VPS8: variants seen among roughly 807,000 people sequenced by gnomAD.
VPS8 encodes vacuolar protein sorting-associated protein 8 homolog.
In VPS8, 129 loss-of-function variants were observed where a neutral mutation model predicts 216.4. The observed-to-expected ratio is 0.60, with a 90% confidence interval of 0.52 to 0.69. The LOEUF is 0.69. VPS8 is among the 30% of genes least tolerant of loss of function. VPS8 has a pLI of 0.00. For missense variants in VPS8, 1,531 were observed against 1,683.5 expected (o/e 0.91, Z 1.59); for synonymous variants, 571 against 565.4 (o/e 1.01, Z -0.14).
At chr3:184,819,084 A>G (rs529776714) in intron 1 of VPS8, among the ~76,000 whole-genome samples, 2 of 152,302 alleles carry the variant, frequency 1.3e-5, no homozygotes, top group East Asian at 3.9e-4. Context: ...CCAGTGTCAT[A>G]ATTAAGTCAT....
At chr3:184,943,002 T>G (rs147589499) in intron 36 of VPS8, among the ~76,000 whole-genome samples, 1,749 of 152,270 alleles carry the variant, frequency 0.011, 39 homozygotes, top group African/African-American at 0.039. Flanking sequence ...TTTGATTTGT[T>G]TAAGGTCTGT....
intron 28 of VPS8, among the ~76,000 whole-genome samples, chr3:184,918,736 A>G (rs1035616760): frequency 6.6e-6 from 1 of 152,188 alleles, no homozygotes; most frequent in Non-Finnish European, 1.5e-5. Context: ...GTTGAATAGC[A>G]TTTATATTAG....
intron 45 of VPS8, among the ~76,000 whole-genome samples, chr3:185,009,981 G>C (rs1467670418): frequency 4.4e-5 from 3 of 67,416 alleles, no homozygotes; most frequent in Non-Finnish European, 9.5e-5. Context: ...AACTACTTCA[G>C]GTCCAAAAAA....
chr3:184,870,618 A>G, intron 20 of VPS8, 98 bp from the exon 21 acceptor site: 1 of 951,424 alleles, frequency 1.1e-6, no homozygotes, highest in Non-Finnish European at 1.5e-6. Flanking sequence ...AAATTTTAAT[A>G]ACAAATTCTA....
intron 30 of VPS8, among the ~76,000 whole-genome samples, chr3:184,926,146 C>T (rs1317950366): frequency 1.3e-5 from 2 of 150,736 alleles, no homozygotes; most frequent in African/African-American, 2.4e-5. Flanking sequence ...GAGGCCGAGG[C>T]GGGCGGATCA....
At chr3:184,912,660 C>G (rs546939855) in intron 25 of VPS8, among the ~76,000 whole-genome samples, 1 of 152,146 alleles carries the variant, frequency 6.6e-6, no homozygotes, top group African/African-American at 2.4e-5. Flanking sequence ...TGATGTGAAT[C>G]AAATGACATT....
At chr3:185,051,054 C>A (rs574472021) in intron 47 of VPS8, among the ~76,000 whole-genome samples, 1 of 152,144 alleles carries the variant, frequency 6.6e-6, no homozygotes, top group Non-Finnish European at 1.5e-5. Context: ...GTGTAGAATT[C>A]GTCTCTCCTC....
At position 184,963,658 on chromosome 3, in the gene VPS8, G is replaced by A. The variant is rs187309823; in HGVS notation, c.3184-810G>A. 2.3e-3 allele frequency among the ~76,000 whole-genome samples: 346 copies of A among 152,034 alleles called. 1 individual carries two copies. The highest frequency in any genetic ancestry group is 8.0e-3 in the African/African-American group (333 of 41,514). On this transcript the variant is annotated intron_variant, in intron 37 of 47. Transcript: ENST00000625842. ...GATGTCTAGGATCTCTAAGGTATTGGCGAATAGAAGCAGTGACAGTATGAC... is the reference window on the plus strand; with the variant it reads ...GATGTCTAGGATCTCTAAGGTATTGACGAATAGAAGCAGTGACAGTATGAC...
chr3:185,020,369 G>T (rs562807223), intron 45 of VPS8, among the ~76,000 whole-genome samples: 4 of 151,794 alleles, frequency 2.6e-5, no homozygotes, highest in Non-Finnish European at 5.9e-5. Context: ...TTGTTGCTGT[G>T]TGATTGGATT....
chr3:184,940,655 C>A (rs1251619497), intron 36 of VPS8, among the ~76,000 whole-genome samples: 1 of 152,096 alleles, frequency 6.6e-6, no homozygotes, highest in Non-Finnish European at 1.5e-5. Context: ...AAATGTATTA[C>A]CTTTTAAACT....
rs149565833 is a variant in VPS8, at chr3:184,886,166, C to T, written c.1781+10C>T. The T allele has an allele frequency of 7.3e-3, 11,663 of 1,602,888 alleles. 179 individuals are homozygous for T. Among genetic ancestry groups the T allele is most frequent in the Admixed American group, 0.062 (3,628 of 58,512 alleles). ...TTCTGCTGCAGCGAAAGTGAGTATG[C>T]GTTGCCTGTCACATTCAATTATTTT... is the stretch of plus-strand genomic sequence containing the variant. On this transcript the variant is annotated intron_variant, in intron 22 of 47. Transcript: ENST00000625842.
chr3:184,957,753 C>T (rs1477406770), intron 37 of VPS8, among the ~76,000 whole-genome samples: 1 of 152,170 alleles, frequency 6.6e-6, no homozygotes, highest in African/African-American at 2.4e-5. Context: ...AAGTATCTTT[C>T]TCAAGGCAGT....
At chr3:184,830,399 T>C (rs1479020397) in intron 3 of VPS8, among the ~76,000 whole-genome samples, 1 of 152,088 alleles carries the variant, frequency 6.6e-6, no homozygotes, top group Non-Finnish European at 1.5e-5. Context: ...GATTGCCTTA[T>C]TTATTTATTT....
intron 28 of VPS8, among the ~76,000 whole-genome samples, chr3:184,918,876 C>T (rs903281168): frequency 3.9e-5 from 6 of 152,046 alleles, no homozygotes; most frequent in Admixed American, 1.3e-4. Context: ...CTTTGTAGTC[C>T]GTCTTCCTAT....
chr3:185,007,273 C>T lies in VPS8; in HGVS notation c.4002+7412C>T, dbSNP rs538512496. Among the ~76,000 whole-genome samples, 9 of 152,202 alleles carry T rather than the reference C, an allele frequency of 5.9e-5. No homozygotes were observed. In the South Asian group the frequency reaches 1.7e-3, roughly 28 times the overall value. On this transcript the variant is annotated intron_variant, in intron 45 of 47. Transcript: ENST00000625842. ...TCTTTCTGATTTCTCTACATATTAC[C>T]CACAGGAGAAACTAATTTCAGCTGA...
intron 45 of VPS8, among the ~76,000 whole-genome samples, chr3:185,005,634 T>C (rs1754141274): frequency 6.6e-6 from 1 of 150,808 alleles, no homozygotes; most frequent in African/African-American, 2.4e-5. Context: ...ATTTTATTTA[T>C]TTATTTATTT....
At chr3:184,916,534 T>C (rs1167846599) in intron 28 of VPS8, among the ~76,000 whole-genome samples, 5 of 151,988 alleles carry the variant, frequency 3.3e-5, no homozygotes, top group Admixed American at 2.6e-4. Context: ...TAATAAACTA[T>C]TAAATTATTT....
chr3:185,005,545 T>C (rs1754120508), intron 45 of VPS8, among the ~76,000 whole-genome samples: 1 of 152,224 alleles, frequency 6.6e-6, no homozygotes, highest in Non-Finnish European at 1.5e-5. Context: ...ATCTGTGATT[T>C]CTTTCAGCAG....
chr3:184,864,659 C>T (rs549794052), intron 16 of VPS8, among the ~76,000 whole-genome samples: 3 of 152,250 alleles, frequency 2.0e-5, no homozygotes, highest in South Asian at 2.1e-4. Flanking sequence ...GAATAAATGG[C>T]GCACTGGTCC....
Sources: gnomAD v4.1 joint callset for allele counts (sites outside exome capture counted in the v4.1 genomes callset) on GRCh38, gnomAD v4.1.1 for gene constraint, MANE v1.5 for transcripts, NCBI Gene and HGNC (gene_info 2026-07-23, HGNC 2026-07-21) for gene names.